ANXA11: variants seen among roughly 807,000 people sequenced by gnomAD.
The protein encoded by ANXA11 is 56 kDa autoantigen.
ANXA11 carries 57 observed loss-of-function variants against 64.7 expected under a neutral mutation model. The observed-to-expected ratio is 0.88, with a 90% CI of 0.71 to 1.10. The LOEUF (loss-of-function observed/expected upper bound fraction) is 1.10. Ranked by LOEUF, ANXA11 falls within the 50% of genes least tolerant of loss-of-function variation. The pLI, the probability that ANXA11 is intolerant of heterozygous loss-of-function variation, is 0.00. For synonymous variants in ANXA11, 260 were observed against 265.2 expected (o/e 0.98, Z 0.19); for missense variants, 675 against 670.7 (o/e 1.01, Z -0.07).
chr10:80,165,054 C>T lies in ANXA11; in HGVS notation c.859-911G>A, dbSNP rs1038310968. ...AACCTGTGTGGTTTCTAACACTCCA[C>T]AACCACCAGCTCATGACTCCGGCTG... On this transcript the variant is annotated intron_variant, in intron 8 of 15. Transcript: ENST00000422982. Among the ~76,000 whole-genome samples, 2 of 152,232 alleles carry T rather than the reference C, an allele frequency of 1.3e-5. 1 individual carries two copies. The highest frequency in any genetic ancestry group is 2.9e-5 in the Non-Finnish European group (2 of 68,044).
intron 2 of ANXA11, among the ~76,000 whole-genome samples, chr10:80,174,648 T>C (rs1846101915): frequency 2.6e-5 from 4 of 152,212 alleles, no homozygotes; most frequent in African/African-American, 9.6e-5. Flanking sequence ...CTCAGCTCAC[T>C]GTAACCTCCG....
In ANXA11 at chr10:80,173,989, T is replaced by C. The variant is rs555958748; in HGVS notation, c.-8-1120A>G. The stretch of plus-strand genomic sequence containing the variant: ...GGGAACTCACTTTGAAGACCACTGT[T>C]CTAGCCACGCTATCCAACTATAAGA... On this transcript the variant is annotated intron_variant, in intron 2 of 15. Coordinates refer to ENST00000422982, the MANE Select transcript of ANXA11 (RefSeq NM_145868.2). 1.1e-4 allele frequency among the ~76,000 whole-genome samples: 17 copies of C among 152,328 alleles called. No homozygotes were observed. The South Asian group carries it at 3.3e-3, about 30-fold the overall frequency.
At chr10:80,166,513 CT>C in intron 7 of ANXA11, 1 of 437,874 alleles carries the variant, frequency 2.3e-6, no homozygotes, top group Non-Finnish European at 4.1e-6. Context: ...TCAAAATATG[CT>C]CATACACGCC....
intron 5 of ANXA11, among the ~76,000 whole-genome samples, chr10:80,168,254 G>GC (rs1299822895): frequency 1.5e-4 from 22 of 146,800 alleles, no homozygotes; most frequent in African/African-American, 3.2e-4. Flanking sequence ...GTCTGTGCCG[G>GC]GGGGGGCGGG....
intron 15 of ANXA11, chr10:80,157,417 G>A (rs1845316922): frequency 1.0e-6 from 1 of 985,310 alleles, no homozygotes; most frequent in Admixed American, 6.1e-5. Flanking sequence ...GTTCTCTGAT[G>A]CTGCTGGGGG....
rs187914824 is a variant in ANXA11 at position 80,155,679 on chromosome 10, G to A, written c.*174C>T. 8 of 669,124 alleles carry A rather than the reference G, an allele frequency of 1.2e-5. No individual in the cohort carries two copies. Among genetic ancestry groups the A allele is most frequent in the African/African-American group, 3.6e-5 (2 of 55,950 alleles). The allele number at this position is 669,124 out of a possible 1,614,324, so 41.4% of individuals were successfully genotyped here. A position where few individuals can be genotyped will look rare whatever the true frequency, so the allele number is the denominator to read the frequency against. Reference sequence around the variant, plus strand: ...AGGCATCCTGAGAGAGTTCTAGACCGACCCAGGTCCTGTGGCACACTATAC... The same window carrying A: ...AGGCATCCTGAGAGAGTTCTAGACCAACCCAGGTCCTGTGGCACACTATAC... On this transcript the variant is annotated 3_prime_UTR_variant, in exon 16 of 16. Transcript: ENST00000422982.
upstream of ANXA11, chr10:80,205,680 C>CT (rs1840651038): frequency 2.0e-5 from 3 of 152,162 alleles, no homozygotes; most frequent in Admixed American, 2.0e-4. Flanking sequence ...TCCAGGAAGT[C>CT]TCGGGCTCCG....
At position 80,166,206 on chromosome 10, in the gene ANXA11, A is replaced by G; in HGVS notation, c.745-9T>C. On this transcript the variant is annotated splice_polypyrimidine_tract_variant and intron_variant, in intron 7 of 15. Transcript: ENST00000422982. ...AGATCTTTGATCAAATCCTGATTGG[A>G]TATTCAAACAAACAACCAACAAAAA... is the stretch of plus-strand genomic sequence containing the variant. 2 of 1,485,840 alleles carry G rather than the reference A, an allele frequency of 1.3e-6. No individual in the cohort carries two copies. Among genetic ancestry groups the G allele is most frequent in the Non-Finnish European group, 1.9e-6 (2 of 1,075,994 alleles). The allele number at this position is 1,485,840 out of a possible 1,614,324, so 92.0% of individuals were successfully genotyped here. A position where few individuals can be genotyped will look rare whatever the true frequency, so the allele number is the denominator to read the frequency against.
rs747122505 is a variant in ANXA11, at chr10:80,172,895, C to T, written c.-8-26G>A. On this transcript the variant is annotated intron_variant, in intron 2 of 15. Transcript: ENST00000422982. Reference sequence around the variant, plus strand: ...CTGGAAGAGAAGACGAAAGCACATTCAGGCTCTGCCTGAGAGCCCCTGCTG... The same window carrying T: ...CTGGAAGAGAAGACGAAAGCACATTTAGGCTCTGCCTGAGAGCCCCTGCTG... 3 of 1,610,176 alleles carry T rather than the reference C, an allele frequency of 1.9e-6. No homozygotes were observed. In the Admixed American group the frequency reaches 5.0e-5, roughly 27 times the overall value.
intron 2 of ANXA11, among the ~76,000 whole-genome samples, chr10:80,173,831 C>A (rs73299535): frequency 0.048 from 7,309 of 152,264 alleles, 233 homozygotes; most frequent in Middle Eastern, 0.12. Flanking sequence ...CTGGGTTTCA[C>A]GCTGCAATGC....
At chr10:80,166,037 C>CAT in intron 8 of ANXA11, 47 bp downstream of exon 8, 7 of 656,162 alleles carry the variant, frequency 1.1e-5, no homozygotes, top group Non-Finnish European at 1.6e-5. Flanking sequence ...TGCGCACACA[C>CAT]GCGCGCACAC....
At chr10:80,187,659 C>G (rs1846598543) in intron 1 of ANXA11, among the ~76,000 whole-genome samples, 1 of 152,086 alleles carries the variant, frequency 6.6e-6, no homozygotes, top group Non-Finnish European at 1.5e-5. Flanking sequence ...AGACACAGGT[C>G]TCTGTCTTTG....
At chr10:80,166,426 G>T in intron 7 of ANXA11, 1 of 525,642 alleles carries the variant, frequency 1.9e-6, no homozygotes, top group East Asian at 3.2e-5. Context: ...TGAAGTTTGA[G>T]AAGCACTGGG....
rs566238740 is a variant in ANXA11 at position 80,157,362 on chromosome 10, A to T, written c.1458+279T>A. 2.0e-5 allele frequency: 20 copies of T among 985,432 alleles called. No homozygotes were observed. In the African/African-American group the frequency reaches 3.5e-4, roughly 17 times the overall value. The allele number at this position is 985,432 out of a possible 1,614,324, so 61.0% of individuals were successfully genotyped here. On this transcript the variant is annotated intron_variant, in intron 15 of 15. Coordinates refer to ENST00000422982, the MANE Select transcript of ANXA11 (RefSeq NM_145868.2). The stretch of plus-strand genomic sequence containing the variant: ...TGACAGATCAAGGAATCACACGGTG[A>T]TCGGAACGCTGAAGGTCACGGTCAA...
intron 3 of ANXA11, among the ~76,000 whole-genome samples, chr10:80,172,036 G>A (rs1298486350): frequency 2.6e-5 from 4 of 152,158 alleles, no homozygotes; most frequent in African/African-American, 9.7e-5. Context: ...CAAACCACAG[G>A]ACCTCAGCTC....
rs566282208 is a variant in ANXA11, at chr10:80,191,775, C to T, written c.-58+13568G>A. On this transcript the variant is annotated intron_variant, in intron 1 of 15. Transcript: ENST00000422982. ...CATGCCCAGTCAGCATTTGCCCAGT[C>T]GGATTTGCACAGGCAGGGCCATCAC... Among the ~76,000 whole-genome samples, 63 of 152,306 alleles carry T rather than the reference C, an allele frequency of 4.1e-4. 1 individual carries two copies. In the South Asian group the frequency reaches 8.3e-3, roughly 20 times the overall value.
intron 7 of ANXA11, 156 bp downstream of exon 7, chr10:80,166,734 C>G: frequency 1.6e-6 from 1 of 644,616 alleles, no homozygotes; most frequent in Non-Finnish European, 2.7e-6. Flanking sequence ...CACCTCCCAA[C>G]GATGCCACCA....
intron 1 of ANXA11, among the ~76,000 whole-genome samples, chr10:80,188,611 CT>C (rs1168525253): frequency 6.6e-6 from 1 of 151,316 alleles, no homozygotes; most frequent in Non-Finnish European, 1.5e-5. Flanking sequence ...CCTAACGCAA[CT>C]GCTTGCTGTG....
chr10:80,174,873 G>C (rs980020451), intron 2 of ANXA11, among the ~76,000 whole-genome samples: 23 of 152,194 alleles, frequency 1.5e-4, no homozygotes, highest in Non-Finnish European at 8.8e-5. Flanking sequence ...CTGTTTTTAA[G>C]GAAGCTAAAG....
Sources: allele counts gnomAD v4.1 joint callset (sites outside exome capture counted in the v4.1 genomes callset), GRCh38; gene constraint gnomAD v4.1.1; transcripts MANE v1.5; gene names NCBI Gene and HGNC (gene_info 2026-07-23, HGNC 2026-07-21).